APPBP2: variants seen among roughly 807,000 people sequenced by gnomAD.
APPBP2 encodes the protein amyloid beta precursor protein binding protein 2, also known as amyloid protein-binding protein 2.
A neutral mutation model predicts 76.0 loss-of-function variants in APPBP2; 15 were observed. That is an observed-to-expected ratio of 0.20 (90% CI 0.13 to 0.30). The LOEUF (loss-of-function observed/expected upper bound fraction) is 0.30. APPBP2 is among the 10% of genes least tolerant of loss of function. The pLI, the probability that APPBP2 is intolerant of heterozygous loss-of-function variation, is 1.00. For missense variants in APPBP2, 401 were observed against 687.2 expected (o/e 0.58, Z 4.66); for synonymous variants, 222 against 242.2 (o/e 0.92, Z 0.77).
intron 1 of APPBP2, among the ~76,000 whole-genome samples, chr17:60,525,422 C>T (rs1001110277): frequency 6.6e-6 from 1 of 152,048 alleles, no homozygotes; most frequent in East Asian, 1.9e-4. Flanking sequence ...CCAGCTGATG[C>T]TGACACTTAA....
intron 2 of APPBP2, among the ~76,000 whole-genome samples, chr17:60,497,018 G>T (rs758650015): frequency 7.2e-5 from 11 of 152,180 alleles, no homozygotes; most frequent in Non-Finnish European, 1.5e-4. Context: ...ACCACGCCCA[G>T]CCGACTTACT....
At chr17:60,465,418 TG>T (rs2090503540) in intron 5 of APPBP2, among the ~76,000 whole-genome samples, 1 of 152,236 alleles carries the variant, frequency 6.6e-6, no homozygotes, top group Admixed American at 6.5e-5. Flanking sequence ...GTAAGATTTG[TG>T]TACTTTTCTG....
In APPBP2 at chr17:60,494,523, T is replaced by C. The variant is rs768353735; in HGVS notation, c.322A>G (p.Ile108Val). Residue 108 changes from isoleucine (I) to valine (V), a missense_variant, in exon 3 of 13, where the codon ATA becomes GTA. Ile to Val is a conservative substitution (Grantham distance 29). This residue lies in a region of APPBP2 where 149 missense variants were observed against 198.4 expected (regional missense o/e 0.75). Transcript: ENST00000083182. The part of the protein sequence containing the change: ...AYSFSRRCSY[I>V]AESDAAVKEK... ...TTTACTGCAGCATCTGATTCTGCTATATAAGAGCACCGCCTACTGAATGAG... is the reference window on the plus strand; with the variant it reads ...TTTACTGCAGCATCTGATTCTGCTACATAAGAGCACCGCCTACTGAATGAG... 1.1e-5 allele frequency: 17 copies of C among 1,612,530 alleles called. No homozygotes were observed. In the East Asian group the frequency reaches 1.8e-4, roughly 17 times the overall value.
intron 11 of APPBP2, among the ~76,000 whole-genome samples, chr17:60,452,966 T>G (rs16944380): frequency 0.082 from 12,501 of 152,066 alleles, 1,707 homozygotes; most frequent in African/African-American, 0.28. Flanking sequence ...AATTCTAAAA[T>G]ACATTGAAGT....
At chr17:60,460,898 G>T in intron 8 of APPBP2, 111 bp from the exon 9 acceptor site, 1 of 1,100,908 alleles carries the variant, frequency 9.1e-7, no homozygotes, top group Non-Finnish European at 1.2e-6. Context: ...ATAAAATTTT[G>T]AAGCCCAGAA....
rs1480485640 is a variant in APPBP2, at chr17:60,479,060, AATGTTG to A, written c.503+82_503+87del. 11 of 1,288,160 alleles carry A rather than the reference AATGTTG, an allele frequency of 8.5e-6. No individual in the cohort carries two copies. The African/African-American group carries it at 1.5e-4, about 18-fold the overall frequency. 79.8% of individuals were successfully genotyped at this position (1,288,160 alleles called of 1,614,324 possible). On this transcript the variant is annotated intron_variant, in intron 4 of 12. Coordinates refer to ENST00000083182, the MANE Select transcript of APPBP2 (RefSeq NM_006380.5). ...AAATATCATCTCAGAGATTTACTCA[AATGTTG>A]GCATATACTTATAAGAGCTAAAACT... is the stretch of plus-strand genomic sequence containing the variant.
chr17:60,459,190 A>ATG (rs1243475046), intron 9 of APPBP2, among the ~76,000 whole-genome samples: 1 of 152,042 alleles, frequency 6.6e-6, no homozygotes, highest in Non-Finnish European at 1.5e-5. Context: ...ATTTTAGGTA[A>ATG]AGCTTCGTCT....
intron 4 of APPBP2, among the ~76,000 whole-genome samples, chr17:60,471,146 A>T (rs1287172304): frequency 6.6e-6 from 1 of 151,998 alleles, no homozygotes; most frequent in Non-Finnish European, 1.5e-5. Context: ...TATATTCTGG[A>T]TACTAGAAAC....
chr17:60,514,110 CA>C, intron 1 of APPBP2, among the ~76,000 whole-genome samples: 1 of 151,302 alleles, frequency 6.6e-6, no homozygotes, highest in East Asian at 1.9e-4. Flanking sequence ...AGTTCAACAC[CA>C]GCCTGAACAA....
In APPBP2 at chr17:60,446,381, T is replaced by C. The variant is rs1339813916; in HGVS notation, c.*1200A>G. 6.6e-6 allele frequency: 1 copy of C among 152,326 alleles called. No individual in the cohort carries two copies. Among genetic ancestry groups the C allele is most frequent in the East Asian group, 1.9e-4 (1 of 5,204 alleles). The allele number at this position is 152,326 out of a possible 1,614,324, so 9.4% of individuals were successfully genotyped here. The stretch of plus-strand genomic sequence containing the variant: ...AAGACAAGTTAGTGAAATAGGTGTA[T>C]TATTAGGGGATCTTTCCATTTGACT... On this transcript the variant is annotated 3_prime_UTR_variant, in exon 13 of 13. Coordinates refer to ENST00000083182, the MANE Select transcript of APPBP2 (RefSeq NM_006380.5).
chr17:60,451,285 T>C (rs922186523), intron 12 of APPBP2, among the ~76,000 whole-genome samples: 3 of 152,100 alleles, frequency 2.0e-5, no homozygotes, highest in Non-Finnish European at 2.9e-5. Context: ...ACTGCACAAA[T>C]AGTTTAAAAT....
At chr17:60,459,489 CT>C (rs35042120) in intron 9 of APPBP2, 8,138 of 115,946 alleles carry the variant, frequency 0.07, 445 homozygotes, top group African/African-American at 0.25. Context: ...GTTGTAGTCC[CT>C]TTTTTTTTTT....
Position 60,526,065 on chromosome 17 carries a change from A to G in APPBP2, c.-134T>C, listed in dbSNP as rs906761267. 4.5e-5 allele frequency: 38 copies of G among 841,744 alleles called. No individual in the cohort carries two copies. The highest frequency in any genetic ancestry group is 6.5e-5 in the Non-Finnish European group (36 of 552,144). The allele number at this position is 841,744 out of a possible 1,614,324, so 52.1% of individuals were successfully genotyped here. The stretch of plus-strand genomic sequence containing the variant: ...GCCACGCGGGCGCACGGCAGAAGGC[A>G]CGGCCGCCCTGCCTCCTCCGGGGGC... On this transcript the variant is annotated 5_prime_UTR_variant, in exon 1 of 13. Coordinates refer to ENST00000083182, the MANE Select transcript of APPBP2 (RefSeq NM_006380.5).
chr17:60,503,187 A>T (rs2090836821), intron 1 of APPBP2, among the ~76,000 whole-genome samples: 1 of 144,218 alleles, frequency 6.9e-6, no homozygotes, highest in Non-Finnish European at 1.5e-5. Flanking sequence ...TAATTTTTGT[A>T]TTTTTAGTGG....
chr17:60,519,646 G>A (rs1366600910), intron 1 of APPBP2, among the ~76,000 whole-genome samples: 1 of 151,936 alleles, frequency 6.6e-6, no homozygotes, highest in Non-Finnish European at 1.5e-5. Flanking sequence ...CTGGGAGACA[G>A]AAGGAGGACT....
chr17:60,454,593 T>TA, intron 10 of APPBP2, 101 bp from the exon 11 acceptor site: 2 of 699,444 alleles, frequency 2.9e-6, no homozygotes, highest in Non-Finnish European at 4.4e-6. Flanking sequence ...TTACTGAATA[T>TA]ATTTATATGT....
chr17:60,512,654 G>A (rs1341410542), intron 1 of APPBP2, among the ~76,000 whole-genome samples: 2 of 151,212 alleles, frequency 1.3e-5, no homozygotes, highest in Non-Finnish European at 2.9e-5. Flanking sequence ...GGCCAACATA[G>A]TGAAACCCCG....
At chr17:60,517,467 G>T (rs1019465953) in intron 1 of APPBP2, among the ~76,000 whole-genome samples, 2 of 152,072 alleles carry the variant, frequency 1.3e-5, no homozygotes. Flanking sequence ...TAACCACTTT[G>T]AGATCCAAAT....
intron 3 of APPBP2, among the ~76,000 whole-genome samples, chr17:60,493,098 C>T (rs907457691): frequency 2.6e-5 from 4 of 152,198 alleles, no homozygotes; most frequent in African/African-American, 9.6e-5. Context: ...TATCTCTTGG[C>T]TCTCATTCTC....
Sources: gnomAD v4.1 joint callset for allele counts (sites outside exome capture counted in the v4.1 genomes callset) on GRCh38, gnomAD v4.1.1 for gene constraint, gnomAD v4.1.1 regional missense constraint, MANE v1.5 for transcripts, NCBI Gene and HGNC (gene_info 2026-07-23, HGNC 2026-07-21) for gene names.